The following NDUFA9 variants were observed in gnomAD, a reference collection of about 807,000 sequenced individuals.
NDUFA9 encodes NADH dehydrogenase [ubiquinone] 1 alpha subcomplex subunit 9, mitochondrial.
In NDUFA9, 23 loss-of-function variants were observed where a neutral mutation model predicts 45.9. That is an observed-to-expected ratio of 0.50 (90% CI 0.36 to 0.71). The LOEUF is 0.71. Ranked by LOEUF, NDUFA9 falls within the 30% of genes least tolerant of loss-of-function variation. The pLI, the probability that NDUFA9 is intolerant of heterozygous loss-of-function variation, is 0.00. For synonymous variants in NDUFA9, 176 were observed against 170.5 expected (o/e 1.03, Z -0.25); for missense variants, 466 against 488.2 (o/e 0.95, Z 0.43).
chr12:4,655,431 A>G (rs978666623), intron 3 of NDUFA9: 1 of 152,316 alleles, frequency 6.6e-6, no homozygotes, highest in Non-Finnish European at 1.5e-5. Context: ...TATAAAATAT[A>G]CACTAGATTT....
chr12:4,666,353 A>C (rs1353032224), intron 6 of NDUFA9, among the ~76,000 whole-genome samples: 1 of 152,030 alleles, frequency 6.6e-6, no homozygotes, highest in Non-Finnish European at 1.5e-5. Context: ...TCACTCTGTT[A>C]ATTGTGTTCT....
At chr12:4,664,022 C>T (rs1489985598) in intron 6 of NDUFA9, among the ~76,000 whole-genome samples, 1 of 152,104 alleles carries the variant, frequency 6.6e-6, no homozygotes, top group East Asian at 1.9e-4. Flanking sequence ...GTTTATTCAG[C>T]TGAGAAGATT....
In NDUFA9 at chr12:4,687,304, G is replaced by A. The variant is rs15550; in HGVS notation, c.*196G>A. 1 of 510,726 alleles carries A rather than the reference G, an allele frequency of 2.0e-6. No individual in the cohort carries two copies. The highest frequency in any genetic ancestry group is 3.7e-5 in the Admixed American group (1 of 26,788). The allele number at this position is 510,726 out of a possible 1,614,324, so 31.6% of individuals were successfully genotyped here. A position where few individuals can be genotyped will look rare whatever the true frequency, so the allele number is the denominator to read the frequency against. Reference sequence around the variant, plus strand: ...CACTTAGAACTTGAGCATGATTTTTGTTAAACATATTTAATAATGATATAT... The same window carrying A: ...CACTTAGAACTTGAGCATGATTTTTATTAAACATATTTAATAATGATATAT... On this transcript the variant is annotated 3_prime_UTR_variant, in exon 11 of 11. Transcript: ENST00000266544.
chr12:4,654,167 T>C, intron 1 of NDUFA9, 125 bp from the exon 2 acceptor site: 1 of 900,986 alleles, frequency 1.1e-6, no homozygotes, highest in African/African-American at 1.7e-5. Flanking sequence ...CCCTTGATAC[T>C]TAAATTGCTA....
chr12:4,665,967 TA>T (rs1945850953), intron 6 of NDUFA9, among the ~76,000 whole-genome samples: 1 of 151,996 alleles, frequency 6.6e-6, no homozygotes, highest in Non-Finnish European at 1.5e-5. Flanking sequence ...ACACCTGGCT[TA>T]AAAAATATAT....
rs1946016669 is a variant in NDUFA9, at chr12:4,691,119, C to T, written c.*4011C>T. Reference sequence around the variant, plus strand: ...CTTAGTTGTGAGATTGGACAAGTCACTTGACCTCTCTTTGTCAGCCTCAGT... The same window carrying T: ...CTTAGTTGTGAGATTGGACAAGTCATTTGACCTCTCTTTGTCAGCCTCAGT... On this transcript the variant is annotated 3_prime_UTR_variant, in exon 11 of 11. Transcript: ENST00000266544. The T allele has an allele frequency of 6.6e-6, 1 of 152,186 alleles. No homozygotes were observed. The highest frequency in any genetic ancestry group is 1.5e-5 in the Non-Finnish European group (1 of 68,046). 9.4% of individuals were successfully genotyped at this position (152,186 alleles called of 1,614,324 possible). A position where few individuals can be genotyped will look rare whatever the true frequency, so the allele number is the denominator to read the frequency against.
chr12:4,670,628 T>C (rs1945880877), intron 8 of NDUFA9, among the ~76,000 whole-genome samples: 1 of 152,210 alleles, frequency 6.6e-6, no homozygotes, highest in African/African-American at 2.4e-5. Flanking sequence ...AATCTATACA[T>C]TGTTATGTTC....
intron 6 of NDUFA9, among the ~76,000 whole-genome samples, chr12:4,665,555 A>G (rs1945848085): frequency 6.6e-6 from 1 of 152,212 alleles, no homozygotes; most frequent in South Asian, 2.1e-4. Context: ...GGATGTACGA[A>G]ATATCCCTGA....
intron 8 of NDUFA9, among the ~76,000 whole-genome samples, chr12:4,673,084 CA>C (rs1274687009): frequency 2.6e-5 from 4 of 152,184 alleles, no homozygotes; most frequent in Non-Finnish European, 4.4e-5. Context: ...GATACCCAGG[CA>C]AACAGGGTCT....
intron 1 of NDUFA9, 151 bp from the exon 2 acceptor site, chr12:4,654,140 GT>G: frequency 1.5e-6 from 1 of 670,510 alleles, no homozygotes; most frequent in Non-Finnish European, 2.5e-6. Context: ...TGTCGTAGTA[GT>G]TTGTGTTTAT....
chr12:4,667,250 A>T (rs1945858353), intron 6 of NDUFA9, among the ~76,000 whole-genome samples: 1 of 152,012 alleles, frequency 6.6e-6, no homozygotes, highest in African/African-American at 2.4e-5. Context: ...ATGAGGGAGC[A>T]CCCTCATGGC....
At chr12:4,649,251 G>T in intron 1 of NDUFA9, 76 bp downstream of exon 1, 1 of 1,513,148 alleles carries the variant, frequency 6.6e-7, no homozygotes, top group South Asian at 1.2e-5. Context: ...GTGGCACCGT[G>T]CTGCAGCGGT....
chr12:4,671,196 A>G (rs934804867), intron 8 of NDUFA9, among the ~76,000 whole-genome samples: 2 of 152,008 alleles, frequency 1.3e-5, no homozygotes, highest in African/African-American at 4.8e-5. Context: ...ATTATGAATT[A>G]TATTATGTTG....
chr12:4,662,734 T>A, intron 6 of NDUFA9, 99 bp downstream of exon 6: 1 of 920,210 alleles, frequency 1.1e-6, no homozygotes, highest in East Asian at 2.6e-5. Flanking sequence ...ACTAAGGATA[T>A]ATTTTTTCTT....
rs1418747335 is a variant in NDUFA9 at position 4,693,698 on chromosome 12, TAACA to T, written c.*6591_*6594del. ...ATCATATTAATAAAACATTGCCCAT[TAACA>T]CCTTAGCACAAATTAAAACTAGCTA... On this transcript the variant is annotated 3_prime_UTR_variant, in exon 11 of 11. Transcript: ENST00000266544. 3.3e-5 allele frequency: 5 copies of T among 152,292 alleles called. No homozygotes were observed. In the East Asian group the frequency reaches 9.6e-4, roughly 29 times the overall value. The allele number at this position is 152,292 out of a possible 1,614,324, so 9.4% of individuals were successfully genotyped here.
Position 4,650,258 on chromosome 12 carries a change from C to T in NDUFA9, c.49+1083C>T, listed in dbSNP as rs148146378. 2.6e-4 allele frequency among the ~76,000 whole-genome samples: 39 copies of T among 151,362 alleles called. No individual in the cohort carries two copies. In the East Asian group the frequency reaches 6.4e-3, roughly 25 times the overall value. ...AGAGGATCCTTTTTTTTTTGTTTTCCATCTTGGGTAGAACTCCTGCATACC... is the reference window on the plus strand; with the variant it reads ...AGAGGATCCTTTTTTTTTTGTTTTCTATCTTGGGTAGAACTCCTGCATACC... On this transcript the variant is annotated intron_variant, in intron 1 of 10. Transcript: ENST00000266544.
At chr12:4,652,113 A>G (rs534578160) in intron 1 of NDUFA9, among the ~76,000 whole-genome samples, 1 of 151,932 alleles carries the variant, frequency 6.6e-6, no homozygotes, top group African/African-American at 2.4e-5. Context: ...CCCACCATAA[A>G]CTCTAATAGT....
At chr12:4,667,126 G>A (rs1257968184) in intron 6 of NDUFA9, among the ~76,000 whole-genome samples, 2 of 152,196 alleles carry the variant, frequency 1.3e-5, no homozygotes, top group Admixed American at 1.3e-4. Flanking sequence ...TCACATGGTG[G>A]AAGGTGGAAG....
chr12:4,687,203 C>A lies in NDUFA9; in HGVS notation c.*95C>A, dbSNP rs910178823. 7 of 1,143,976 alleles carry A rather than the reference C, an allele frequency of 6.1e-6. No homozygotes were observed. The African/African-American group carries it at 7.8e-5, about 13-fold the overall frequency. The allele number at this position is 1,143,976 out of a possible 1,614,324, so 70.9% of individuals were successfully genotyped here. Reference sequence around the variant, plus strand: ...CGGTCTCTTTAGAGGATCCTGTACACAGTTCCACTATTAAAACATTTCAGG... The same window carrying A: ...CGGTCTCTTTAGAGGATCCTGTACAAAGTTCCACTATTAAAACATTTCAGG... On this transcript the variant is annotated 3_prime_UTR_variant, in exon 11 of 11. Coordinates refer to ENST00000266544, the MANE Select transcript of NDUFA9 (RefSeq NM_005002.5).
Sources: gnomAD v4.1 joint callset for allele counts (sites outside exome capture counted in the v4.1 genomes callset) on GRCh38, gnomAD v4.1.1 for gene constraint, MANE v1.5 for transcripts, NCBI Gene and HGNC (gene_info 2026-07-23, HGNC 2026-07-21) for gene names.